The following USP9X variants were observed in gnomAD, a reference collection of about 807,000 sequenced individuals.
USP9X encodes the protein ubiquitin carboxyl-terminal hydrolase 9X.
USP9X carries 7 observed loss-of-function variants against 190.3 expected under a neutral mutation model. That is an observed-to-expected ratio of 0.04 (90% CI 0.02 to 0.07). USP9X has a LOEUF of 0.07. Among genes scored for constraint, USP9X ranks in the 10% least tolerant of loss-of-function variants. The pLI is 1.00. For missense variants in USP9X, 1,010 were observed against 1,916.9 expected (o/e 0.53, Z 8.83); for synonymous variants, 645 against 659.5 (o/e 0.98, Z 0.34).
At chrX:41,194,352 C>T (rs1404666066) in intron 26 of USP9X, among the ~76,000 whole-genome samples, 1 of 111,159 alleles carries the variant, frequency 9.0e-6, no homozygotes, top group Non-Finnish European at 1.9e-5. Flanking sequence ...GTTGGGAGTT[C>T]GAGACCAGCC....
chrX:41,228,428 T>G (rs757879485), intron 41 of USP9X, among the ~76,000 whole-genome samples: 5 of 111,765 alleles, frequency 4.5e-5, no homozygotes, highest in Non-Finnish European at 9.4e-5. Flanking sequence ...TGAAATCCTG[T>G]GTTATTGGCA....
intron 1 of USP9X, among the ~76,000 whole-genome samples, chrX:41,104,792 G>GAAAA (rs921387381): frequency 9.4e-6 from 1 of 106,228 alleles, no homozygotes; most frequent in Non-Finnish European, 2.0e-5. Context: ...TCTTGAGAGA[G>GAAAA]AAAAAAAAAA....
At chrX:41,122,052 A>G (rs927121205) in intron 1 of USP9X, among the ~76,000 whole-genome samples, 1 of 110,701 alleles carries the variant, frequency 9.0e-6, no homozygotes, top group African/African-American at 3.3e-5. Flanking sequence ...TTGGAGTATT[A>G]TGTAGTTTGA....
At chrX:41,174,925 G>A (rs1378506934) in intron 21 of USP9X, among the ~76,000 whole-genome samples, 2 of 111,243 alleles carry the variant, frequency 1.8e-5, no homozygotes, top group African/African-American at 3.3e-5. Flanking sequence ...CGGAGGTTGC[G>A]TTGAGCCGAG....
chrX:41,225,612 C>T (rs2063305757), intron 41 of USP9X, among the ~76,000 whole-genome samples: 1 of 112,343 alleles, frequency 8.9e-6, no homozygotes, highest in African/African-American at 3.2e-5. Flanking sequence ...ACTGAGTTAG[C>T]AAATACTGAA....
chrX:41,134,704 A>AT (rs1181260131), intron 4 of USP9X, 21 bp from the exon 5 acceptor site: 1 of 1,184,115 alleles, frequency 8.4e-7, no homozygotes, highest in Admixed American at 2.2e-5. Context: ...GTTTGCATTA[A>AT]TTTTTCTCCC....
chrX:41,194,082 C>T (rs1197350295), intron 26 of USP9X, among the ~76,000 whole-genome samples: 1 of 111,895 alleles, frequency 8.9e-6, no homozygotes, highest in Non-Finnish European at 1.9e-5. Context: ...AAAGTAGATA[C>T]GCCTGACTTT....
Position 41,223,202 on chromosome X carries a change from T to C in USP9X, c.6566-15T>C. 8.3e-7 allele frequency: 1 copy of C among 1,202,926 alleles called. No individual in the cohort carries two copies. The highest frequency in any genetic ancestry group is 1.8e-5 in the South Asian group (1 of 55,060). ...TCCCTCTCTTTCTTCTCCCCTTCACTCCTTTTTGTTGTAGGTGTGGCAGAG... is the reference window on the plus strand; with the variant it reads ...TCCCTCTCTTTCTTCTCCCCTTCACCCCTTTTTGTTGTAGGTGTGGCAGAG... On this transcript the variant is annotated splice_polypyrimidine_tract_variant and intron_variant, in intron 38 of 44. Transcript: ENST00000378308.
At chrX:41,178,445 A>T (rs766189142) in intron 21 of USP9X, among the ~76,000 whole-genome samples, 1 of 110,358 alleles carries the variant, frequency 9.1e-6, no homozygotes, top group East Asian at 2.9e-4. Context: ...GTGATACCTC[A>T]TTGTGGTTTG....
rs1215061559 is a variant in USP9X, at chrX:41,140,970, T to A, written c.775T>A (p.Phe259Ile). The A allele has an allele frequency of 8.5e-7, 1 of 1,174,801 alleles. No homozygotes were observed. The highest frequency in any genetic ancestry group is 3.0e-5 in the East Asian group (1 of 33,306). The change falls in exon 8 of 45, where the codon TTT (phenylalanine) becomes ATT (isoleucine). Residue 259 changes from phenylalanine (F) to isoleucine (I), a missense_variant. By Grantham distance (21) the Phe-to-Ile change is conservative. This residue lies in a region of USP9X where 176 missense variants were observed against 247.5 expected (regional missense o/e 0.71). Transcript: ENST00000378308. The part of the protein sequence containing the change: ...VQIIAALIKP[F>I]GQCYEFLTLH... ...TTTGTATCTTTCTTATTTCAGACCATTTGGGCAATGCTATGAGTTTCTCAC... is the reference window on the plus strand; with the variant it reads ...TTTGTATCTTTCTTATTTCAGACCAATTGGGCAATGCTATGAGTTTCTCAC...
chrX:41,198,448 A>G, intron 29 of USP9X, 80 bp from the exon 30 acceptor site: 1 of 620,734 alleles, frequency 1.6e-6, no homozygotes, highest in Non-Finnish European at 2.2e-6. Flanking sequence ...TAATTTTAAA[A>G]TGATTTACTT....
At chrX:41,121,581 C>A (rs1471668582) in intron 1 of USP9X, among the ~76,000 whole-genome samples, 2 of 111,529 alleles carry the variant, frequency 1.8e-5, no homozygotes, top group African/African-American at 3.3e-5. Context: ...TAAGCCAGGT[C>A]ATAATTAGAA....
chrX:41,115,215 C>T (rs1407302793), intron 1 of USP9X, among the ~76,000 whole-genome samples: 4 of 87,106 alleles, frequency 4.6e-5, no homozygotes, highest in East Asian at 3.7e-4. Flanking sequence ...AGCAAGACTC[C>T]GTCTCCAAAA....
chrX:41,206,556 G>A (rs2063098229), intron 32 of USP9X, among the ~76,000 whole-genome samples: 1 of 110,425 alleles, frequency 9.1e-6, no homozygotes, highest in Non-Finnish European at 1.9e-5. Flanking sequence ...CCCTGTGGTC[G>A]TTTATTATTT....
Position 41,136,851 on chromosome X carries a change from C to A in USP9X, c.483C>A (p.Ala161=), listed in dbSNP as rs1341219159. 1 of 1,209,462 alleles carries A rather than the reference C, an allele frequency of 8.3e-7. No homozygotes were observed. The highest frequency in any genetic ancestry group is 1.1e-6 in the Non-Finnish European group (1 of 894,960). ...ATCGTCTGGTGGAGCTATGTGTGGC[C>A]AAGTTGTCCCAAGACTGGTTTCCAC... is the stretch of plus-strand genomic sequence containing the variant. The part of the protein sequence containing the change: ...NTHRLVELCV[A]KLSQDWFPLL... The change falls in exon 6 of 45, where the codon GCC becomes GCA. Residue 161 remains alanine (A), a synonymous_variant. Transcript: ENST00000378308.
chrX:41,172,004 G>A, intron 21 of USP9X, 46 bp downstream of exon 21: 1 of 1,192,672 alleles, frequency 8.4e-7, no homozygotes, highest in East Asian at 3.0e-5. Context: ...GACAATAAAG[G>A]AGTATATTAG....
intron 1 of USP9X, 139 bp downstream of exon 1, chrX:41,086,248 C>T (rs1003090914): frequency 3.5e-5 from 10 of 285,383 alleles, no homozygotes; most frequent in East Asian, 1.0e-4. Context: ...GGGGCTTCCC[C>T]GTTCCCCCTC....
chrX:41,169,893 A>G, intron 18 of USP9X, 102 bp from the exon 19 acceptor site: 1 of 990,548 alleles, frequency 1.0e-6, no homozygotes. Context: ...CTCTTGTTTA[A>G]TAAGAAAATA....
intron 14 of USP9X, 32 bp from the exon 15 acceptor site, chrX:41,162,758 T>G: frequency 2.6e-6 from 3 of 1,139,737 alleles, no homozygotes; most frequent in Non-Finnish European, 3.6e-6. Flanking sequence ...GTTATCCATG[T>G]GTATAATGCA....
Sources: gnomAD v4.1 joint callset for allele counts (sites outside exome capture counted in the v4.1 genomes callset) on GRCh38, gnomAD v4.1.1 for gene constraint, gnomAD v4.1.1 regional missense constraint, MANE v1.5 for transcripts, NCBI Gene and HGNC (gene_info 2026-07-23, HGNC 2026-07-21) for gene names.